Variants in TMTC2 observed in about 807,000 individuals in gnomAD.
The protein encoded by TMTC2 is transmembrane O-mannosyltransferase targeting cadherins 2.
In TMTC2, 43 loss-of-function variants were observed where a neutral mutation model predicts 82.4. The ratio of observed to expected loss-of-function variants is 0.52; its 90% CI spans 0.41 to 0.67. The LOEUF (loss-of-function observed/expected upper bound fraction) is 0.67. Ranked by LOEUF, TMTC2 falls within the 30% of genes least tolerant of loss-of-function variation. TMTC2 has a pLI of 0.00. For synonymous variants in TMTC2, 408 were observed against 381.9 expected (o/e 1.07, Z -0.80); for missense variants, 919 against 1,012.4 (o/e 0.91, Z 1.25).
rs114888455 is a variant in TMTC2, at chr12:82,835,829, T to C, written c.84-21181T>C. ...ACTTCCCTCTTCCTTGACCCCCTTA[T>C]GCCCCCACTTGACGTCACATAAACC... On this transcript the variant is annotated intron_variant, in intron 1 of 11. Transcript: ENST00000321196. Among the ~76,000 whole-genome samples the C allele has an allele frequency of 6.5e-3, 985 of 152,300 alleles. 14 individuals carry two copies. Among genetic ancestry groups the C allele is most frequent in the African/African-American group, 0.023 (949 of 41,576 alleles).
intron 11 of TMTC2, among the ~76,000 whole-genome samples, chr12:83,108,031 G>A (rs1884476136): frequency 6.6e-6 from 1 of 151,960 alleles, no homozygotes; most frequent in African/African-American, 2.4e-5. Flanking sequence ...TTCTGCTCTG[G>A]CCATGTAAGA....
chr12:83,067,354 A>C (rs142116529), intron 11 of TMTC2, among the ~76,000 whole-genome samples: 393 of 152,086 alleles, frequency 2.6e-3, no homozygotes, highest in African/African-American at 9.2e-3. Context: ...TTAAAGATAC[A>C]TGTTGAGATG....
At chr12:82,779,772 C>T (rs1877799842) in intron 1 of TMTC2, among the ~76,000 whole-genome samples, 1 of 152,044 alleles carries the variant, frequency 6.6e-6, no homozygotes, top group Admixed American at 6.6e-5. Context: ...TGGTGGCATG[C>T]TCCTGTAGTC....
At chr12:82,975,686 G>A (rs1455277957) in intron 7 of TMTC2, among the ~76,000 whole-genome samples, 3 of 152,052 alleles carry the variant, frequency 2.0e-5, no homozygotes, top group African/African-American at 7.2e-5. Flanking sequence ...TGACTCAGGA[G>A]TACACATGAA....
At chr12:83,001,721 A>T (rs2137368611) in intron 8 of TMTC2, among the ~76,000 whole-genome samples, 1 of 143,398 alleles carries the variant, frequency 7.0e-6, no homozygotes, top group African/African-American at 2.5e-5. Flanking sequence ...AAAGTTTCAC[A>T]GATCTCTAGG....
intron 1 of TMTC2, among the ~76,000 whole-genome samples, chr12:82,722,297 G>A (rs1477086792): frequency 6.6e-6 from 1 of 151,260 alleles, no homozygotes; most frequent in Non-Finnish European, 1.5e-5. Context: ...GCTCACTCCT[G>A]TAATCCCAGC....
At chr12:82,720,700 C>A (rs1439119244) in intron 1 of TMTC2, among the ~76,000 whole-genome samples, 1 of 152,206 alleles carries the variant, frequency 6.6e-6, no homozygotes, top group Non-Finnish European at 1.5e-5. Flanking sequence ...TTCCCACCAG[C>A]AGTGTTGATG....
intron 3 of TMTC2, among the ~76,000 whole-genome samples, chr12:82,904,903 C>G (rs988725422): frequency 6.6e-6 from 1 of 151,858 alleles, no homozygotes; most frequent in African/African-American, 2.4e-5. Context: ...GACTATCTTT[C>G]TCCAATTTCC....
chr12:83,071,875 A>T (rs1883127699), intron 11 of TMTC2, among the ~76,000 whole-genome samples: 1 of 151,202 alleles, frequency 6.6e-6, no homozygotes, highest in Non-Finnish European at 1.5e-5. Context: ...TTTCTTAGTG[A>T]GGTTATTTGG....
At chr12:82,861,977 C>T (rs1871578011) in intron 2 of TMTC2, among the ~76,000 whole-genome samples, 1 of 152,138 alleles carries the variant, frequency 6.6e-6, no homozygotes, top group Non-Finnish European at 1.5e-5. Context: ...AAGTGAACTC[C>T]TGTACTCTCC....
At chr12:82,910,072 A>G (rs1192825092) in intron 3 of TMTC2, among the ~76,000 whole-genome samples, 1 of 152,176 alleles carries the variant, frequency 6.6e-6, no homozygotes, top group African/African-American at 2.4e-5. Flanking sequence ...GAGAGGACAA[A>G]CACCTGTCTT....
chr12:82,831,990 A>C (rs1869773247), intron 1 of TMTC2, among the ~76,000 whole-genome samples: 1 of 152,186 alleles, frequency 6.6e-6, no homozygotes, highest in African/African-American at 2.4e-5. Context: ...TCGCTGACTA[A>C]AACCGGACTC....
chr12:82,709,698 C>A (rs1256988633), intron 1 of TMTC2, among the ~76,000 whole-genome samples: 1 of 151,712 alleles, frequency 6.6e-6, no homozygotes, highest in Non-Finnish European at 1.5e-5. Flanking sequence ...AAACAAAAAA[C>A]AAAAAAAGCT....
chr12:82,860,630 A>G (rs904035660), intron 2 of TMTC2, among the ~76,000 whole-genome samples: 1 of 152,208 alleles, frequency 6.6e-6, no homozygotes, highest in Non-Finnish European at 1.5e-5. Context: ...TGTGAGCTGA[A>G]GTGTCCAGTA....
intron 1 of TMTC2, among the ~76,000 whole-genome samples, chr12:82,700,518 G>A (rs986553746): frequency 2.6e-5 from 4 of 152,170 alleles, no homozygotes; most frequent in South Asian, 2.1e-4. Flanking sequence ...TAATAATTAG[G>A]TAATGATTTT....
intron 1 of TMTC2, among the ~76,000 whole-genome samples, chr12:82,716,642 G>A (rs1416804619): frequency 1.3e-5 from 2 of 152,120 alleles, no homozygotes; most frequent in African/African-American, 4.8e-5. Flanking sequence ...GATTACAGGC[G>A]TGAGCCACCG....
intron 11 of TMTC2, among the ~76,000 whole-genome samples, chr12:83,109,182 CAT>C (rs1884515420): frequency 6.6e-6 from 1 of 152,114 alleles, no homozygotes; most frequent in African/African-American, 2.4e-5. Flanking sequence ...TTTCACAGGC[CAT>C]ACAGGAAGCA....
intron 11 of TMTC2, among the ~76,000 whole-genome samples, chr12:83,112,949 G>A (rs1472881098): frequency 1.3e-5 from 2 of 152,194 alleles, no homozygotes; most frequent in African/African-American, 2.4e-5. Context: ...TATTACAGAT[G>A]AGTCTGAAAG....
chr12:82,901,300 A>ATAT (rs1555195748), intron 3 of TMTC2, among the ~76,000 whole-genome samples: 1 of 85,364 alleles, frequency 1.2e-5, no homozygotes, highest in African/African-American at 7.6e-5. Context: ...ATATATATAT[A>ATAT]TTTTTTTTTC....
Sources: gnomAD v4.1 joint callset for allele counts (sites outside exome capture counted in the v4.1 genomes callset) on GRCh38, gnomAD v4.1.1 for gene constraint, MANE v1.5 for transcripts, NCBI Gene and HGNC (gene_info 2026-07-23, HGNC 2026-07-21) for gene names.